LRP1B: variants seen among roughly 807,000 people sequenced by gnomAD.
LRP1B encodes low-density lipoprotein receptor-related protein 1B.
In LRP1B, 217 loss-of-function variants were observed where a neutral mutation model predicts 556.6. The observed-to-expected ratio is 0.39, with a 90% CI of 0.35 to 0.44. The LOEUF is 0.44. LRP1B is among the 20% of genes least tolerant of loss of function. The pLI, the probability that LRP1B is intolerant of heterozygous loss-of-function variation, is 1.00. For synonymous variants in LRP1B, 2,047 were observed against 1,865.8 expected, an observed-to-expected ratio of 1.10 and a Z score of -2.50; for missense variants, 5,053 against 5,620.8, an observed-to-expected ratio of 0.90 and a Z score of 3.23.
Position 140,423,446 on chromosome 2 carries a change from T to C in LRP1B, c.10414+19058A>G, listed in dbSNP as rs542560376. ...ACTTTACTTTTGCATGGCAAAGTTATTGAAAGCATACTAAGTATAAGTATT... is the reference window on the plus strand; with the variant it reads ...ACTTTACTTTTGCATGGCAAAGTTACTGAAAGCATACTAAGTATAAGTATT... On this transcript the variant is annotated intron_variant, in intron 66 of 90. Transcript: ENST00000389484. 2.0e-3 allele frequency among the ~76,000 whole-genome samples: 303 copies of C among 152,296 alleles called. 2 individuals are homozygous for C. Among genetic ancestry groups the C allele is most frequent in the African/African-American group, 7.1e-3 (295 of 41,574 alleles).
intron 7 of LRP1B, among the ~76,000 whole-genome samples, chr2:141,116,085 G>A (rs989478890): frequency 6.6e-6 from 1 of 151,958 alleles, no homozygotes; most frequent in Non-Finnish European, 1.5e-5. Context: ...TAAAGAATGA[G>A]TTCTTTAAAT....
rs1687160274 is a variant in LRP1B, at chr2:140,457,713, A to G, written c.9626-62T>C. On this transcript the variant is annotated intron_variant, in intron 60 of 90. Coordinates refer to ENST00000389484, the MANE Select transcript of LRP1B (RefSeq NM_018557.3). ...GGAAGACTGCCAGTTAAAATATTCA[A>G]TACTACATGGGCTGACAGATACAAC... 43 of 1,324,880 alleles carry G rather than the reference A, an allele frequency of 3.2e-5. No individual in the cohort carries two copies. The South Asian group carries it at 4.8e-4, about 15-fold the overall frequency. The allele number at this position is 1,324,880 out of a possible 1,614,324, so 82.1% of individuals were successfully genotyped here.
intron 79 of LRP1B, among the ~76,000 whole-genome samples, chr2:140,330,456 AAAAC>A (rs1680749046): frequency 1.3e-5 from 2 of 150,978 alleles, no homozygotes; most frequent in African/African-American, 4.9e-5. Context: ...AAACCTGACA[AAAAC>A]AAGCAATGGG....
At chr2:141,637,137 T>A (rs1238204345) in intron 2 of LRP1B, among the ~76,000 whole-genome samples, 1 of 152,134 alleles carries the variant, frequency 6.6e-6, no homozygotes, top group Admixed American at 6.6e-5. Flanking sequence ...TAAAGCATCA[T>A]CATCACAGTA....
chr2:141,296,289 A>G (rs1194916880), intron 3 of LRP1B, among the ~76,000 whole-genome samples: 1 of 152,182 alleles, frequency 6.6e-6, no homozygotes, highest in Admixed American at 6.5e-5. Context: ...TTTAAATAAT[A>G]CCAGACTAGC....
intron 3 of LRP1B, among the ~76,000 whole-genome samples, chr2:141,292,822 T>C (rs1306126707): frequency 6.6e-6 from 1 of 152,056 alleles, no homozygotes; most frequent in African/African-American, 2.4e-5. Context: ...CCAAATGCAA[T>C]GTGAAATCCT....
At chr2:141,272,151 T>G (rs529178938) in intron 3 of LRP1B, among the ~76,000 whole-genome samples, 4 of 152,034 alleles carry the variant, frequency 2.6e-5, no homozygotes, top group African/African-American at 9.7e-5. Flanking sequence ...TATAACACAA[T>G]GACTTAATAT....
chr2:140,642,616 C>A (rs138037458), intron 41 of LRP1B, among the ~76,000 whole-genome samples: 2,084 of 152,080 alleles, frequency 0.014, 39 homozygotes, highest in Admixed American at 0.046. Flanking sequence ...CCGAGATGGG[C>A]GGATCACGAA....
intron 3 of LRP1B, among the ~76,000 whole-genome samples, chr2:141,325,710 A>T (rs1234023998): frequency 6.6e-6 from 1 of 152,142 alleles, no homozygotes; most frequent in African/African-American, 2.4e-5. Flanking sequence ...GAACTAGAAC[A>T]TCTGGAGAAG....
chr2:141,089,746 G>C (rs561529071), intron 7 of LRP1B, among the ~76,000 whole-genome samples: 102 of 152,282 alleles, frequency 6.7e-4, no homozygotes, highest in African/African-American at 2.4e-3. Context: ...CCAGTAAAGG[G>C]AAGCTCTTAG....
chr2:141,794,343 G>T (rs1293209825), intron 2 of LRP1B, among the ~76,000 whole-genome samples: 3 of 151,842 alleles, frequency 2.0e-5, no homozygotes, highest in Non-Finnish European at 2.9e-5. Context: ...CTCACATTTT[G>T]TAAAACCTAA....
intron 76 of LRP1B, among the ~76,000 whole-genome samples, chr2:140,351,286 G>T (rs1430057915): frequency 6.6e-6 from 1 of 151,708 alleles, no homozygotes; most frequent in Non-Finnish European, 1.5e-5. Context: ...TAGAAATTAT[G>T]TACATATAAA....
chr2:140,765,559 T>C (rs1689074231), intron 35 of LRP1B, among the ~76,000 whole-genome samples: 2 of 152,144 alleles, frequency 1.3e-5, no homozygotes, highest in African/African-American at 4.8e-5. Context: ...CAATATGTTT[T>C]TTTCCACTGG....
At chr2:141,728,798 T>C (rs570347335) in intron 2 of LRP1B, among the ~76,000 whole-genome samples, 1 of 152,312 alleles carries the variant, frequency 6.6e-6, no homozygotes, top group South Asian at 2.1e-4. Context: ...TACTCCCATA[T>C]GCTGTGACGA....
At chr2:141,414,568 T>C (rs533971474) in intron 3 of LRP1B, among the ~76,000 whole-genome samples, 1 of 152,214 alleles carries the variant, frequency 6.6e-6, no homozygotes, top group African/African-American at 2.4e-5. Context: ...CCCTTGCCCA[T>C]AGTGCAGGCA....
chr2:140,779,524 G>A (rs1169663774), intron 32 of LRP1B, among the ~76,000 whole-genome samples: 3 of 151,660 alleles, frequency 2.0e-5, no homozygotes, highest in Non-Finnish European at 4.4e-5. Flanking sequence ...GTGAAACCCC[G>A]TCTCTACTAA....
chr2:141,160,419 AT>A (rs1470536568), intron 7 of LRP1B, among the ~76,000 whole-genome samples: 1 of 152,154 alleles, frequency 6.6e-6, no homozygotes, highest in Non-Finnish European at 1.5e-5. Flanking sequence ...TCCTAGAAAA[AT>A]TAAAATTTAT....
chr2:140,749,997 T>A (rs1032000005), intron 35 of LRP1B, among the ~76,000 whole-genome samples: 3 of 152,122 alleles, frequency 2.0e-5, no homozygotes, highest in African/African-American at 7.2e-5. Context: ...GTTATAATCT[T>A]ATGGGACCAC....
intron 2 of LRP1B, among the ~76,000 whole-genome samples, chr2:141,776,395 C>A (rs1244500047): frequency 1.3e-5 from 2 of 152,168 alleles, no homozygotes; most frequent in Non-Finnish European, 2.9e-5. Context: ...CTAAGTGCTG[C>A]GACACTCAGA....
Sources: gnomAD v4.1 joint callset for allele counts (sites outside exome capture counted in the v4.1 genomes callset) on GRCh38, gnomAD v4.1.1 for gene constraint, MANE v1.5 for transcripts, NCBI Gene and HGNC (gene_info 2026-07-23, HGNC 2026-07-21) for gene names.